ANKFY1: variants seen among roughly 807,000 people sequenced by gnomAD.
The protein encoded by ANKFY1 is ankyrin repeat and FYVE domain containing 1, also known as ankyrin repeat and FYVE domain-containing protein 1.
A neutral mutation model predicts 128.3 loss-of-function variants in ANKFY1; 47 were observed. That is an observed-to-expected ratio of 0.37 (90% CI 0.29 to 0.47). The LOEUF (loss-of-function observed/expected upper bound fraction) is 0.47, where lower values mean the gene tolerates loss of function less well. Ranked by LOEUF, ANKFY1 falls within the 20% of genes least tolerant of loss-of-function variation. The pLI is 1.00. For missense variants in ANKFY1, 1,222 were observed against 1,510.6 expected (o/e 0.81, Z 3.17); for synonymous variants, 553 against 601.6 (o/e 0.92, Z 1.18).
At chr17:4,213,779 T>C (rs1157570856) in intron 4 of ANKFY1, among the ~76,000 whole-genome samples, 1 of 152,074 alleles carries the variant, frequency 6.6e-6, no homozygotes, top group Non-Finnish European at 1.5e-5. Context: ...TTCACCATGT[T>C]AGCCAGGATG....
chr17:4,195,053 A>G lies in ANKFY1; in HGVS notation c.1297T>C (p.Ser433Pro). 6.2e-7 allele frequency: 1 copy of G among 1,614,214 alleles called. No homozygotes were observed. Among genetic ancestry groups the G allele is most frequent in the Non-Finnish European group, 8.5e-7 (1 of 1,180,040 alleles). Residue 433 changes from serine (S) to proline (P), a missense_variant, in exon 10 of 25, where the codon TCA becomes CCA. Transcript: ENST00000341657. ...FEDVPVVNGTSFDENSFAARL... is the reference protein window; with the variant it reads ...FEDVPVVNGTPFDENSFAARL... ...GCTGCAAAGCTGTTCTCATCAAATG[A>G]AGTCCCATTTACCACGGGGACATCT... is the stretch of plus-strand genomic sequence containing the variant.
chr17:4,194,951 C>T (rs774292714), intron 10 of ANKFY1, 27 bp downstream of exon 10: 36 of 1,613,636 alleles, frequency 2.2e-5, no homozygotes, highest in Admixed American at 1.5e-4. Context: ...ACCCCAGCGT[C>T]GCCCCTTCGG....
intron 24 of ANKFY1, 168 bp from the exon 25 acceptor site, chr17:4,168,079 G>T: frequency 1.6e-6 from 1 of 628,256 alleles, no homozygotes; most frequent in Non-Finnish European, 2.5e-6. Flanking sequence ...AGAATTTTTA[G>T]TCTATGAAAA....
chr17:4,242,579 G>C (rs1967303409), intron 1 of ANKFY1, 131 bp from the exon 2 acceptor site: 1 of 783,802 alleles, frequency 1.3e-6, no homozygotes, highest in Admixed American at 3.4e-5. Context: ...CTTTCTTAGT[G>C]ATAGTCCTAC....
chr17:4,207,837 C>A (rs2060053451), intron 6 of ANKFY1, 96 bp downstream of exon 6: 2 of 1,257,032 alleles, frequency 1.6e-6, no homozygotes, highest in South Asian at 1.7e-5. Context: ...AAAGACTGTG[C>A]CAGTCATGGC....
At chr17:4,184,748 A>G in intron 12 of ANKFY1, 70 bp downstream of exon 12, 1 of 1,520,618 alleles carries the variant, frequency 6.6e-7, no homozygotes, top group Non-Finnish European at 9.0e-7. Flanking sequence ...AAAAACATCA[A>G]CTCTGTAACT....
rs111612907 is a variant in ANKFY1 at position 4,213,335 on chromosome 17, G to A, written c.459-3388C>T. Among the ~76,000 whole-genome samples the A allele has an allele frequency of 7.5e-4, 114 of 151,418 alleles. 1 individual carries two copies. Among genetic ancestry groups the A allele is most frequent in the African/African-American group, 2.6e-3 (106 of 41,268 alleles). ...CTCCAGAGTAGCTGGGATTATAGGCGCCCGCCACCACGACCGGCTAATTTT... is the reference window on the plus strand; with the variant it reads ...CTCCAGAGTAGCTGGGATTATAGGCACCCGCCACCACGACCGGCTAATTTT... On this transcript the variant is annotated intron_variant, in intron 4 of 24. Coordinates refer to ENST00000341657, the MANE Select transcript of ANKFY1 (RefSeq NM_001330063.2).
chr17:4,168,996 C>A, intron 24 of ANKFY1: 1 of 540,744 alleles, frequency 1.8e-6, no homozygotes, highest in South Asian at 2.4e-5. Flanking sequence ...GAAAGCCACC[C>A]GTCTGCAGGC....
Position 4,169,055 on chromosome 17 carries a change from C to T in ANKFY1, c.3377+143G>A. The T allele has an allele frequency of 1.4e-6, 1 of 704,072 alleles. No individual in the cohort carries two copies. The highest frequency in any genetic ancestry group is 2.4e-6 in the Non-Finnish European group (1 of 409,062). The allele number at this position is 704,072 out of a possible 1,614,324, so 43.6% of individuals were successfully genotyped here. A position where few individuals can be genotyped will look rare whatever the true frequency, so the allele number is the denominator to read the frequency against. On this transcript the variant is annotated intron_variant, in intron 24 of 24. Transcript: ENST00000341657. The surrounding 1 kb of genome is among the most constrained non-coding windows in gnomAD (Gnocchi z 5.0). ...TTCCTCAGTAGGATCCTTGGGTGTG[C>T]TCATCTCATCCCTCCATTTGGTCAA...
intron 1 of ANKFY1, among the ~76,000 whole-genome samples, chr17:4,248,229 G>A (rs1967659304): frequency 6.6e-6 from 1 of 152,098 alleles, no homozygotes; most frequent in African/African-American, 2.4e-5. Flanking sequence ...AGCAGGAGGT[G>A]AGCTGCGGGC....
intron 7 of ANKFY1, among the ~76,000 whole-genome samples, chr17:4,205,189 T>A (rs1311262821): frequency 6.6e-6 from 1 of 152,066 alleles, no homozygotes; most frequent in African/African-American, 2.4e-5. Flanking sequence ...TGTCTACGTG[T>A]AAGTAAAAAA....
intron 21 of ANKFY1, among the ~76,000 whole-genome samples, chr17:4,173,012 A>G (rs1004898901): frequency 2.6e-5 from 4 of 151,994 alleles, no homozygotes; most frequent in African/African-American, 9.7e-5. Flanking sequence ...GCCCGCCACC[A>G]CGCCCAGATA....
intron 1 of ANKFY1, among the ~76,000 whole-genome samples, chr17:4,247,430 C>T (rs948987138): frequency 2.4e-4 from 37 of 152,294 alleles, no homozygotes; most frequent in Admixed American, 1.4e-3. Flanking sequence ...AGGGCTTTAG[C>T]ATGATTTGGG....
At chr17:4,221,618 T>G (rs952421414) in intron 3 of ANKFY1, among the ~76,000 whole-genome samples, 4 of 152,310 alleles carry the variant, frequency 2.6e-5, no homozygotes, top group East Asian at 1.9e-4. Context: ...AGTTTCCAAC[T>G]GTTTTTTTCT....
chr17:4,172,013 G>A (rs1355078872), intron 22 of ANKFY1, among the ~76,000 whole-genome samples: 1 of 152,116 alleles, frequency 6.6e-6, no homozygotes, highest in Non-Finnish European at 1.5e-5. Context: ...GTGAGTCCTC[G>A]GCAAGAAAAC....
rs565356775 is a variant in ANKFY1, at chr17:4,164,668, C to A, written c.*3111G>T. ...AGATAAAAGAAACCTAGATGGAGGTCAAGCTCTCCCCTTTCCCAAGACGTT... is the reference window on the plus strand; with the variant it reads ...AGATAAAAGAAACCTAGATGGAGGTAAAGCTCTCCCCTTTCCCAAGACGTT... On this transcript the variant is annotated 3_prime_UTR_variant, in exon 25 of 25. Coordinates refer to ENST00000341657, the MANE Select transcript of ANKFY1 (RefSeq NM_001330063.2). 6.6e-6 allele frequency: 1 copy of A among 152,324 alleles called. No individual in the cohort carries two copies. The highest frequency in any genetic ancestry group is 1.9e-4 in the East Asian group (1 of 5,170). 9.4% of individuals were successfully genotyped at this position (152,324 alleles called of 1,614,324 possible).
intron 1 of ANKFY1, chr17:4,263,583 G>A (rs1300231990): frequency 1.3e-6 from 2 of 1,534,704 alleles, no homozygotes; most frequent in Admixed American, 2.0e-5. Context: ...ATTTCCTAAG[G>A]AGAAGGCTTA....
At chr17:4,203,626 A>C (rs952923932) in intron 7 of ANKFY1, among the ~76,000 whole-genome samples, 2 of 151,780 alleles carry the variant, frequency 1.3e-5, no homozygotes, top group Non-Finnish European at 2.9e-5. Flanking sequence ...GACCAGCCTG[A>C]CCAACATGGA....
In ANKFY1 at chr17:4,235,825, C is replaced by T. The variant is rs1373676616; in HGVS notation, c.269G>A (p.Ser90Asn). 2 of 1,614,216 alleles carry T rather than the reference C, an allele frequency of 1.2e-6. No homozygotes were observed. The highest frequency in any genetic ancestry group is 1.7e-6 in the Non-Finnish European group (2 of 1,180,036). Reference protein sequence around the residue: ...SAHKFVLAARSDSWSLANLSS... With the variant: ...SAHKFVLAARNDSWSLANLSS... Reference sequence around the variant, plus strand: ...CAAGTTAGCCAGACTCCAGCTGTCACTGCGGGCTGCCAGGACAAACTTGTG... The same window carrying T: ...CAAGTTAGCCAGACTCCAGCTGTCATTGCGGGCTGCCAGGACAAACTTGTG... The change falls in exon 3 of 25, where the codon AGT (serine) becomes AAT (asparagine). Residue 90 changes from serine (S) to asparagine (N), a missense_variant. Transcript: ENST00000341657.
Sources: allele counts gnomAD v4.1 joint callset (sites outside exome capture counted in the v4.1 genomes callset), GRCh38; gene constraint gnomAD v4.1.1; non-coding constraint Gnocchi (gnomAD v3.1); transcripts MANE v1.5; gene names NCBI Gene and HGNC (gene_info 2026-07-23, HGNC 2026-07-21).